NUMA1: variants seen among roughly 807,000 people sequenced by gnomAD.
NUMA1 encodes the protein SP-H antigen.
Under a neutral mutation model 237.1 loss-of-function variants are expected in NUMA1, and 62 were observed. The ratio of observed to expected loss-of-function variants is 0.26; its 90% CI spans 0.21 to 0.32. The LOEUF is 0.32. Among genes scored for constraint, NUMA1 ranks in the 10% least tolerant of loss-of-function variants. The pLI is 1.00. For missense variants in NUMA1, 2,533 were observed against 2,666.5 expected (o/e 0.95, Z 1.10); for synonymous variants, 1,028 against 1,066.1 (o/e 0.96, Z 0.70).
chr11:72,046,795 A>G (rs1171538185), intron 2 of NUMA1, among the ~76,000 whole-genome samples: 2 of 151,642 alleles, frequency 1.3e-5, no homozygotes, highest in Non-Finnish European at 2.9e-5. Flanking sequence ...TCCCATGTCT[A>G]CTAAAAATAC....
chr11:72,022,891 A>C (rs557330463), intron 6 of NUMA1, among the ~76,000 whole-genome samples, 174 bp downstream of exon 6: 2 of 152,176 alleles, frequency 1.3e-5, no homozygotes, highest in East Asian at 3.9e-4. Flanking sequence ...CCTTGGGCTA[A>C]ATTAGCCTCT....
chr11:72,072,828 G>A (rs575585777), intron 1 of NUMA1, among the ~76,000 whole-genome samples: 51 of 152,198 alleles, frequency 3.4e-4, no homozygotes, highest in Middle Eastern at 3.4e-3. Flanking sequence ...GCCAAGGCGG[G>A]CGGATCACAC....
intron 3 of NUMA1, among the ~76,000 whole-genome samples, chr11:72,030,480 T>C (rs1054317315): frequency 2.0e-5 from 3 of 152,210 alleles, no homozygotes; most frequent in African/African-American, 7.2e-5. Context: ...AGGCATACAT[T>C]TAAATCAGTT....
Position 72,015,873 on chromosome 11 carries a change from GTTC to G in NUMA1, c.1627_1629del (p.Glu543del). 6.2e-7 allele frequency: 1 copy of G among 1,614,174 alleles called. No homozygotes were observed. The highest frequency in any genetic ancestry group is 8.5e-7 in the Non-Finnish European group (1 of 1,180,040). On this transcript the variant is annotated inframe_deletion, in exon 15 of 27. Transcript: ENST00000393695. This position sits in a 1 kb window ranked among gnomAD's most constrained non-coding sequence, Gnocchi z 4.0. ...TGGTGGCGGAGGCCCTGGGAGGCCT[GTTC>G]TTGCTGTTGGAGGGTCTGTGCTAGC...
In NUMA1 at chr11:72,006,213, C is replaced by T. The variant is rs1955680535; in HGVS notation, c.5514G>A (p.Thr1838=). 2.5e-6 allele frequency: 4 copies of T among 1,614,158 alleles called. No homozygotes were observed. Among genetic ancestry groups the T allele is most frequent in the Non-Finnish European group, 3.4e-6 (4 of 1,180,030 alleles). The change falls in exon 22 of 27, where the codon ACG becomes ACA. Residue 1838 remains threonine, a synonymous_variant. Coordinates refer to ENST00000393695, the MANE Select transcript of NUMA1 (RefSeq NM_006185.4). ...PDSANSSFYS[T]RSAPASQASL... ...TAGCCTGGGAAGCAGGAGCAGACCG[C>T]GTGCTGTAGAACGATGAGTTGGCGC... is the stretch of plus-strand genomic sequence containing the variant.
intron 2 of NUMA1, among the ~76,000 whole-genome samples, chr11:72,061,366 A>G (rs1251416453): frequency 2.6e-5 from 4 of 152,328 alleles, no homozygotes; most frequent in African/African-American, 9.6e-5. Context: ...GGTCTGGTAT[A>G]TAATCCCAAA....
intron 3 of NUMA1, among the ~76,000 whole-genome samples, chr11:72,030,363 G>GA (rs369584159): frequency 5.3e-5 from 7 of 131,192 alleles, no homozygotes; most frequent in Non-Finnish European, 6.5e-5. Flanking sequence ...GAAAAGAAAA[G>GA]AAAAAAAAAG....
intron 26 of NUMA1, 135 bp downstream of exon 26, chr11:72,003,752 G>C: frequency 1.9e-6 from 2 of 1,048,002 alleles, no homozygotes; most frequent in Non-Finnish European, 2.9e-6. Flanking sequence ...GGAGCTACCA[G>C]GACAGGGACA....
chr11:72,053,706 T>C (rs1942486757), intron 2 of NUMA1, among the ~76,000 whole-genome samples: 1 of 152,182 alleles, frequency 6.6e-6, no homozygotes, highest in South Asian at 2.1e-4. Context: ...AACAATAGCT[T>C]TGAGAACTAT....
At chr11:72,027,461 G>T (rs1347354332) in intron 4 of NUMA1, among the ~76,000 whole-genome samples, 2 of 151,786 alleles carry the variant, frequency 1.3e-5, no homozygotes, top group Non-Finnish European at 1.5e-5. Context: ...CTAATTATCA[G>T]TATATAGGCA....
In NUMA1 at chr11:72,017,764, G is replaced by C. The variant is rs752475976; in HGVS notation, c.1042C>G (p.His348Asp). ...AGCCACTCCTGAGTGGCCTTGCTGT[G>C]CTCCTCCGTCAGCTCATTGAGGGCA... ...QDALNELTEE[H>D]SKATQEWLEK... The change falls in exon 13 of 27, where the codon CAC becomes GAC. Residue 348 changes from histidine to aspartate, a missense_variant. By Grantham distance (81) the His-to-Asp change is moderately conservative. Coordinates refer to ENST00000393695, the MANE Select transcript of NUMA1 (RefSeq NM_006185.4). 1.2e-6 allele frequency: 2 copies of C among 1,613,230 alleles called. No homozygotes were observed. Among genetic ancestry groups the C allele is most frequent in the Non-Finnish European group, 1.7e-6 (2 of 1,179,900 alleles).
In NUMA1 at chr11:72,003,416, G is replaced by A; in HGVS notation, c.*111C>T. On this transcript the variant is annotated 3_prime_UTR_variant, in exon 27 of 27. Transcript: ENST00000393695. Reference sequence around the variant, plus strand: ...AGGCATCACTGTCTCTAGGGGTTTGGCTACTGTTGGCCTGGGAGCTGAGAG... The same window carrying A: ...AGGCATCACTGTCTCTAGGGGTTTGACTACTGTTGGCCTGGGAGCTGAGAG... The A allele has an allele frequency of 9.4e-7, 1 of 1,064,480 alleles. No homozygotes were observed. Among genetic ancestry groups the A allele is most frequent in the Non-Finnish European group, 1.5e-6 (1 of 680,644 alleles). 65.9% of individuals were successfully genotyped at this position (1,064,480 alleles called of 1,614,324 possible).
rs140450743 is a variant in NUMA1, at chr11:72,036,061, A to G, written c.-32-86T>C. The G allele has an allele frequency of 4.9e-5, 49 of 991,490 alleles. No homozygotes were observed. The African/African-American group carries it at 6.5e-4, about 13-fold the overall frequency. The allele number at this position is 991,490 out of a possible 1,614,324, so 61.4% of individuals were successfully genotyped here. On this transcript the variant is annotated intron_variant, in intron 2 of 26. Coordinates refer to ENST00000393695, the MANE Select transcript of NUMA1 (RefSeq NM_006185.4). ...AAAGGCGAAATGGTTCAATTTGCCA[A>G]TTCTCAACACTTAAATCACTCTTCA...
At chr11:72,060,464 C>T (rs1170098453) in intron 2 of NUMA1, among the ~76,000 whole-genome samples, 2 of 151,958 alleles carry the variant, frequency 1.3e-5, no homozygotes, top group Non-Finnish European at 2.9e-5. Flanking sequence ...GGCAACATGG[C>T]GAGATTCCAT....
chr11:72,025,915 G>A (rs1939518795), intron 4 of NUMA1, among the ~76,000 whole-genome samples: 1 of 152,224 alleles, frequency 6.6e-6, no homozygotes, highest in Non-Finnish European at 1.5e-5. Flanking sequence ...AATCTGGAAT[G>A]TTGTGACTCC....
intron 2 of NUMA1, among the ~76,000 whole-genome samples, chr11:72,053,842 A>G (rs1183168582): frequency 2.0e-5 from 3 of 152,278 alleles, no homozygotes; most frequent in Non-Finnish European, 4.4e-5. Context: ...CTGAAGATGT[A>G]TAAACTTTTT....
intron 17 of NUMA1, 29 bp from the exon 18 acceptor site, chr11:72,009,416 G>C (rs1445321174): frequency 5.1e-6 from 8 of 1,577,492 alleles, no homozygotes; most frequent in Non-Finnish European, 4.3e-6. Context: ...CAGGAAAGCT[G>C]GTCTGGCCGC....
Position 72,018,499 on chromosome 11 carries a change from T to C in NUMA1, c.757A>G (p.Met253Val), listed in dbSNP as rs1335063274. 2 of 1,613,912 alleles carry C rather than the reference T, an allele frequency of 1.2e-6. No individual in the cohort carries two copies. Among genetic ancestry groups the C allele is most frequent in the African/African-American group, 2.7e-5 (2 of 74,918 alleles). Reference protein sequence around the residue: ...LLTEKDAQIAMMQQRIDRLAL... With the variant: ...LLTEKDAQIAVMQQRIDRLAL... ...AGGCGGTCAATGCGCTGCTGCATCA[T>C]GGCTATCTGTGCATCTGCCCAGAGT... Residue 253 changes from methionine (M) to valine (V), a missense_variant, in exon 11 of 27, where the codon ATG (methionine) becomes GTG (valine). Physicochemically the swap from Met to Val is conservative, Grantham distance 21. Coordinates refer to ENST00000393695, the MANE Select transcript of NUMA1 (RefSeq NM_006185.4).
intron 1 of NUMA1, among the ~76,000 whole-genome samples, chr11:72,073,879 A>G (rs1356797296): frequency 1.3e-5 from 2 of 152,220 alleles, no homozygotes; most frequent in African/African-American, 4.8e-5. Flanking sequence ...AATAGAACTT[A>G]GCTCACAGAG....
Sources: gnomAD v4.1 joint callset for allele counts (sites outside exome capture counted in the v4.1 genomes callset) on GRCh38, gnomAD v4.1.1 for gene constraint, Gnocchi (gnomAD v3.1) non-coding constraint, MANE v1.5 for transcripts, NCBI Gene and HGNC (gene_info 2026-07-23, HGNC 2026-07-21) for gene names.